MRTFA: variants seen among roughly 807,000 people sequenced by gnomAD.
The protein encoded by MRTFA is myocardin-related transcription factor A.
In MRTFA, 20 loss-of-function variants were observed where a neutral mutation model predicts 83.5. That is an observed-to-expected ratio of 0.24 (90% CI 0.17 to 0.35). The LOEUF (loss-of-function observed/expected upper bound fraction) is 0.35, where lower values mean the gene tolerates loss of function less well. Among genes scored for constraint, MRTFA ranks in the 10% least tolerant of loss-of-function variants. MRTFA has a pLI of 1.00. For synonymous variants in MRTFA, 659 were observed against 541.2 expected (o/e 1.22, Z -3.02); for missense variants, 1,200 against 1,224.7 (o/e 0.98, Z 0.30).
In MRTFA at chr22:40,521,183, G is replaced by A. The variant is rs1487029263; in HGVS notation, c.241+30923C>T. ...GTACAATATTACAACCAGAATACTG[G>A]CACTGTTAGTCAACATACACATTTC... On this transcript the variant is annotated intron_variant, in intron 3 of 14. Transcript: ENST00000355630. Among the ~76,000 whole-genome samples, 5 of 152,140 alleles carry A rather than the reference G, an allele frequency of 3.3e-5. No individual in the cohort carries two copies. The East Asian group carries it at 7.7e-4, about 23-fold the overall frequency.
intron 1 of MRTFA, among the ~76,000 whole-genome samples, chr22:40,616,928 A>G (rs1452085035): frequency 6.6e-6 from 1 of 151,680 alleles, no homozygotes; most frequent in Non-Finnish European, 1.5e-5. Context: ...GTGAAACAAA[A>G]AATATTCTAC....
chr22:40,442,215 A>C (rs1031163444), intron 4 of MRTFA, among the ~76,000 whole-genome samples: 5 of 152,180 alleles, frequency 3.3e-5, no homozygotes, highest in African/African-American at 1.2e-4. Flanking sequence ...TCTAGGTCTG[A>C]ATGTTGCTTT....
At chr22:40,547,590 C>T (rs1195105045) in intron 3 of MRTFA, among the ~76,000 whole-genome samples, 5 of 152,072 alleles carry the variant, frequency 3.3e-5, no homozygotes, top group South Asian at 2.1e-4. Context: ...TGGTGGCTCA[C>T]GTCTGTAATC....
intron 1 of MRTFA, among the ~76,000 whole-genome samples, chr22:40,614,992 T>A (rs1375681123): frequency 6.6e-6 from 1 of 152,172 alleles, no homozygotes; most frequent in African/African-American, 2.4e-5. Context: ...TTAATTTTAA[T>A]AAAGTGCAAT....
intron 4 of MRTFA, among the ~76,000 whole-genome samples, chr22:40,460,437 T>C (rs1011218136): frequency 1.3e-5 from 2 of 152,230 alleles, no homozygotes; most frequent in African/African-American, 4.8e-5. Context: ...AGTGCTGTAA[T>C]TACAGTTAGT....
chr22:40,619,379 G>C (rs981361319), intron 1 of MRTFA, among the ~76,000 whole-genome samples: 4 of 152,120 alleles, frequency 2.6e-5, no homozygotes, highest in Admixed American at 6.6e-5. Flanking sequence ...AAGGAAATGA[G>C]GAACACGTTA....
At chr22:40,509,475 T>A (rs1183243494) in intron 3 of MRTFA, among the ~76,000 whole-genome samples, 1 of 152,250 alleles carries the variant, frequency 6.6e-6, no homozygotes, top group Non-Finnish European at 1.5e-5. Context: ...CGAAAGAGGT[T>A]TGCCTCAGCC....
chr22:40,502,093 C>G, intron 3 of MRTFA, among the ~76,000 whole-genome samples: 1 of 141,778 alleles, frequency 7.1e-6, no homozygotes, highest in Non-Finnish European at 1.6e-5. Context: ...CCTCACTTCC[C>G]AGTAGGGGCG....
Position 40,463,210 on chromosome 22 carries a change from G to C in MRTFA, c.307+11C>G, listed in dbSNP as rs370286760. 6.2e-7 allele frequency: 1 copy of C among 1,612,756 alleles called. No individual in the cohort carries two copies. Among genetic ancestry groups the C allele is most frequent in the African/African-American group, 1.3e-5 (1 of 74,414 alleles). Reference sequence around the variant, plus strand: ...GCAATCTACCAAATGCTGAGAGAGAGAGGCACTTACGCGGCATGATCCCTT... The same window carrying C: ...GCAATCTACCAAATGCTGAGAGAGACAGGCACTTACGCGGCATGATCCCTT... On this transcript the variant is annotated intron_variant, in intron 4 of 14. Transcript: ENST00000355630.
At chr22:40,597,332 T>C (rs1305680569) in intron 1 of MRTFA, among the ~76,000 whole-genome samples, 1 of 152,244 alleles carries the variant, frequency 6.6e-6, no homozygotes, top group Admixed American at 6.5e-5. Flanking sequence ...CAACAATTCA[T>C]GAACAAAAAA....
At chr22:40,430,097 G>A (rs999315867) in intron 6 of MRTFA, among the ~76,000 whole-genome samples, 2 of 152,138 alleles carry the variant, frequency 1.3e-5, no homozygotes, top group African/African-American at 4.8e-5. Context: ...GTGTTACTGA[G>A]GCAATTCACA....
chr22:40,556,781 C>G (rs1053875106), intron 2 of MRTFA, among the ~76,000 whole-genome samples: 4 of 152,118 alleles, frequency 2.6e-5, no homozygotes, highest in African/African-American at 9.7e-5. Context: ...TTAATCCATC[C>G]GGCTGAGTAT....
At chr22:40,507,625 A>G (rs1277392341) in intron 3 of MRTFA, among the ~76,000 whole-genome samples, 1 of 151,786 alleles carries the variant, frequency 6.6e-6, no homozygotes, top group Non-Finnish European at 1.5e-5. Context: ...TGAAAGAAAA[A>G]AAAAAATTGT....
chr22:40,570,907 G>A (rs916018343), intron 2 of MRTFA, among the ~76,000 whole-genome samples: 1 of 151,102 alleles, frequency 6.6e-6, no homozygotes, highest in Non-Finnish European at 1.5e-5. Context: ...AAAGAACATG[G>A]AGCCAGGAGT....
At chr22:40,616,372 T>C (rs2056449282) in intron 1 of MRTFA, among the ~76,000 whole-genome samples, 3 of 152,300 alleles carry the variant, frequency 2.0e-5, no homozygotes, top group South Asian at 4.1e-4. Flanking sequence ...TATGATTAGA[T>C]ATGCATTTTA....
At chr22:40,589,408 T>C (rs2056085002) in intron 2 of MRTFA, among the ~76,000 whole-genome samples, 1 of 152,208 alleles carries the variant, frequency 6.6e-6, no homozygotes, top group African/African-American at 2.4e-5. Flanking sequence ...GGTATTACTA[T>C]TCTATTTTAC....
intron 3 of MRTFA, among the ~76,000 whole-genome samples, chr22:40,535,106 G>A (rs1465206329): frequency 2.0e-5 from 3 of 152,148 alleles, no homozygotes; most frequent in Admixed American, 1.3e-4. Context: ...AACAGGCAAT[G>A]AGTAGCAGCC....
intron 3 of MRTFA, among the ~76,000 whole-genome samples, chr22:40,528,409 C>T (rs2147271345): frequency 6.6e-6 from 1 of 152,144 alleles, no homozygotes; most frequent in East Asian, 1.9e-4. Context: ...AATTTTCTAC[C>T]TAAGGTTTCT....
chr22:40,558,788 G>GT (rs200101753), intron 2 of MRTFA, among the ~76,000 whole-genome samples: 20 of 136,244 alleles, frequency 1.5e-4, no homozygotes, highest in Admixed American at 1.3e-3. Context: ...TTTTGGGGGG[G>GT]TTTTTTGGGT....
Sources: allele counts gnomAD v4.1 joint callset (sites outside exome capture counted in the v4.1 genomes callset), GRCh38; gene constraint gnomAD v4.1.1; transcripts MANE v1.5; gene names NCBI Gene and HGNC (gene_info 2026-07-23, HGNC 2026-07-21).